Variants in CNTN5 observed in about 807,000 individuals in gnomAD.
CNTN5 encodes contactin 5, also known as contactin-5.
A neutral mutation model predicts 129.1 loss-of-function variants in CNTN5; 77 were observed. The ratio of observed to expected loss-of-function variants is 0.60; its 90% CI spans 0.50 to 0.72. CNTN5 has a LOEUF of 0.72. CNTN5 is among the 30% of genes least tolerant of loss of function. The pLI is 0.00. For synonymous variants in CNTN5, 509 were observed against 465.6 expected (o/e 1.09, Z -1.20); for missense variants, 1,478 against 1,328.8 (o/e 1.11, Z -1.75).
intron 1 of CNTN5, among the ~76,000 whole-genome samples, chr11:99,264,770 G>T (rs1862808279): frequency 6.6e-6 from 1 of 151,964 alleles, no homozygotes; most frequent in Non-Finnish European, 1.5e-5. Flanking sequence ...GTGTGTATTA[G>T]TATAAGATAT....
chr11:99,653,341 A>C (rs537585518), intron 3 of CNTN5, among the ~76,000 whole-genome samples: 38 of 152,016 alleles, frequency 2.5e-4, no homozygotes, highest in South Asian at 1.9e-3. Context: ...CCCCATAAGC[A>C]CAGTATCTGG....
At chr11:99,615,740 T>A (rs1469241987) in intron 3 of CNTN5, among the ~76,000 whole-genome samples, 1 of 151,810 alleles carries the variant, frequency 6.6e-6, no homozygotes, top group Non-Finnish European at 1.5e-5. Context: ...ACACTTTATT[T>A]GGATTTTACA....
At chr11:99,570,178 C>T (rs1174383314) in intron 3 of CNTN5, among the ~76,000 whole-genome samples, 1 of 151,468 alleles carries the variant, frequency 6.6e-6, no homozygotes, top group Admixed American at 6.6e-5. Context: ...GGTCATATGC[C>T]TCTTTACTTG....
intron 13 of CNTN5, among the ~76,000 whole-genome samples, chr11:100,095,341 T>C (rs1944968179): frequency 6.6e-6 from 1 of 152,132 alleles, no homozygotes; most frequent in African/African-American, 2.4e-5. Context: ...AATTAAAGTA[T>C]GTTTTTGAGT....
At chr11:99,143,687 A>G (rs186482401) in intron 1 of CNTN5, among the ~76,000 whole-genome samples, 459 of 152,300 alleles carry the variant, frequency 3.0e-3, no homozygotes, top group Non-Finnish European at 4.9e-3. Flanking sequence ...AACCTTAAAT[A>G]TAACATTTTG....
At chr11:100,226,998 G>A (rs1001518509) in intron 16 of CNTN5, among the ~76,000 whole-genome samples, 2 of 151,786 alleles carry the variant, frequency 1.3e-5, no homozygotes, top group Non-Finnish European at 2.9e-5. Flanking sequence ...TACAATTCTG[G>A]CAGCAGAATA....
intron 1 of CNTN5, among the ~76,000 whole-genome samples, chr11:99,296,433 C>A (rs1026311546): frequency 6.6e-6 from 1 of 152,204 alleles, no homozygotes; most frequent in Non-Finnish European, 1.5e-5. Flanking sequence ...AAAAAGCTTT[C>A]TTTACCTGGT....
At chr11:99,051,610 A>G (rs1453088848) in intron 1 of CNTN5, among the ~76,000 whole-genome samples, 1 of 151,942 alleles carries the variant, frequency 6.6e-6, no homozygotes, top group East Asian at 1.9e-4. Flanking sequence ...AGAGCATTGT[A>G]CTGTGTATTG....
At chr11:100,148,190 C>G (rs1421994283) in intron 13 of CNTN5, among the ~76,000 whole-genome samples, 1 of 152,094 alleles carries the variant, frequency 6.6e-6, no homozygotes, top group Admixed American at 6.6e-5. Flanking sequence ...AGCACTCTAT[C>G]TCTGCAGCTT....
chr11:100,111,120 G>A (rs76443474), intron 13 of CNTN5, among the ~76,000 whole-genome samples: 3,203 of 152,130 alleles, frequency 0.021, 60 homozygotes, highest in Non-Finnish European at 0.028. Flanking sequence ...TGGATTTAAG[G>A]TAGAACCTGT....
intron 7 of CNTN5, among the ~76,000 whole-genome samples, chr11:99,926,314 G>T (rs957335033): frequency 3.3e-5 from 5 of 152,094 alleles, no homozygotes; most frequent in African/African-American, 4.8e-5. Context: ...GTTTAAGAAG[G>T]GGAAGGGATC....
intron 3 of CNTN5, among the ~76,000 whole-genome samples, chr11:99,706,798 T>TTCCTA (rs1430093729): frequency 2.6e-5 from 4 of 151,202 alleles, no homozygotes; most frequent in Non-Finnish European, 5.9e-5. Context: ...GACAGAGGTG[T>TTCCTA]TCTTCCTATC....
intron 3 of CNTN5, among the ~76,000 whole-genome samples, chr11:99,817,210 TG>T (rs890042634): frequency 1.3e-5 from 2 of 152,240 alleles, no homozygotes; most frequent in Admixed American, 1.3e-4. Context: ...ATCACATGTT[TG>T]TTGAATGAAT....
At chr11:100,138,309 T>C (rs1490383987) in intron 13 of CNTN5, among the ~76,000 whole-genome samples, 3 of 151,802 alleles carry the variant, frequency 2.0e-5, no homozygotes, top group African/African-American at 4.8e-5. Context: ...ATTCAATAAA[T>C]ACTCATGGAG....
chr11:99,079,163 C>G (rs1409826976), intron 1 of CNTN5, among the ~76,000 whole-genome samples: 2 of 151,960 alleles, frequency 1.3e-5, no homozygotes, highest in African/African-American at 4.8e-5. Flanking sequence ...TGGCAAATTT[C>G]CATTTGGATA....
In CNTN5 at chr11:100,240,835, T is replaced by C. The variant is rs558971524; in HGVS notation, c.2006-14925T>C. 7.2e-5 allele frequency among the ~76,000 whole-genome samples: 11 copies of C among 152,324 alleles called. No homozygotes were observed. In the East Asian group the frequency reaches 2.1e-3, roughly 29 times the overall value. The stretch of plus-strand genomic sequence containing the variant: ...ATAAATGTGTTGTCCTAGTGTGTCA[T>C]TGGAAATAACAATTTCAAATTTACT... On this transcript the variant is annotated intron_variant, in intron 16 of 24. Coordinates refer to ENST00000524871, the MANE Select transcript of CNTN5 (RefSeq NM_014361.4).
intron 4 of CNTN5, among the ~76,000 whole-genome samples, chr11:99,840,337 A>G (rs780338856): frequency 1.3e-5 from 2 of 150,244 alleles, no homozygotes; most frequent in Non-Finnish European, 2.9e-5. Flanking sequence ...GAACTTAGAA[A>G]TGGAAAAACC....
intron 9 of CNTN5, among the ~76,000 whole-genome samples, chr11:100,007,013 T>A (rs566050862): frequency 1.2e-4 from 18 of 152,228 alleles, no homozygotes; most frequent in Middle Eastern, 3.4e-3. Flanking sequence ...GGTAATGAGA[T>A]GCATTGTCAA....
At chr11:100,056,773 G>T (rs994336071) in intron 9 of CNTN5, among the ~76,000 whole-genome samples, 4 of 151,552 alleles carry the variant, frequency 2.6e-5, no homozygotes, top group African/African-American at 9.7e-5. Context: ...GCAGACTCCA[G>T]GACCCTTTTT....
Sources: gnomAD v4.1 joint callset for allele counts (sites outside exome capture counted in the v4.1 genomes callset) on GRCh38, gnomAD v4.1.1 for gene constraint, MANE v1.5 for transcripts, NCBI Gene and HGNC (gene_info 2026-07-23, HGNC 2026-07-21) for gene names.